EFHC1: variants seen among roughly 807,000 people sequenced by gnomAD.
The protein encoded by EFHC1 is EF-hand domain-containing protein 1.
EFHC1 carries 53 observed loss-of-function variants against 69.9 expected under a neutral mutation model. The observed-to-expected ratio is 0.76, with a 90% CI of 0.61 to 0.95. The LOEUF is 0.95. Ranked by LOEUF, EFHC1 falls within the 40% of genes least tolerant of loss-of-function variation. The pLI is 0.00. For missense variants in EFHC1, 739 were observed against 798.7 expected (o/e 0.93, Z 0.90); for synonymous variants, 256 against 278.4 (o/e 0.92, Z 0.80).
rs1293345825 is a variant in EFHC1, at chr6:52,452,811, A to C, written c.697A>C (p.Lys233Gln). ...CACCCCATCAGACTTTGATCAACTC[A>C]AGCAATTTCTCACCTTTGACAAACA... Reference protein sequence around the residue: ...YVTPSDFDQLKQFLTFDKQVL... With the variant: ...YVTPSDFDQLQQFLTFDKQVL... Residue 233 changes from lysine (K) to glutamine (Q), a missense_variant, in exon 4 of 11, where the codon AAG becomes CAG. Lys to Gln is a moderately conservative substitution (Grantham distance 53). Transcript: ENST00000371068. The C allele has an allele frequency of 6.2e-7, 1 of 1,614,058 alleles. No homozygotes were observed. Among genetic ancestry groups the C allele is most frequent in the Non-Finnish European group, 8.5e-7 (1 of 1,180,032 alleles).
chr6:52,475,505 G>A (rs1182106973), intron 7 of EFHC1, among the ~76,000 whole-genome samples: 1 of 152,146 alleles, frequency 6.6e-6, no homozygotes, highest in Non-Finnish European at 1.5e-5. Flanking sequence ...CAAAGCTTTC[G>A]AAGAACAGAA....
intron 1 of EFHC1, 84 bp downstream of exon 1, chr6:52,420,557 C>T: frequency 6.7e-7 from 1 of 1,500,792 alleles, no homozygotes. Flanking sequence ...CCTCCATTCC[C>T]CTCCACTCAA....
At chr6:52,443,134 G>C (rs1382969052) in intron 3 of EFHC1, among the ~76,000 whole-genome samples, 1 of 152,162 alleles carries the variant, frequency 6.6e-6, no homozygotes, top group Non-Finnish European at 1.5e-5. Context: ...TGATGGGGTT[G>C]TTTTATTTTT....
chr6:52,432,889 T>C (rs1182536189), intron 2 of EFHC1, among the ~76,000 whole-genome samples: 1 of 151,980 alleles, frequency 6.6e-6, no homozygotes, highest in African/African-American at 2.4e-5. Context: ...TTTCTTATTC[T>C]TTTTTCTTTG....
At chr6:52,425,530 T>A (rs1764283783) in intron 2 of EFHC1, among the ~76,000 whole-genome samples, 1 of 152,208 alleles carries the variant, frequency 6.6e-6, no homozygotes, top group Non-Finnish European at 1.5e-5. Context: ...TTTTGTTTTC[T>A]ATGTTATTTT....
chr6:52,441,472 T>C (rs777479884), intron 3 of EFHC1, among the ~76,000 whole-genome samples: 3 of 152,152 alleles, frequency 2.0e-5, no homozygotes, highest in Admixed American at 1.3e-4. Context: ...TGTCTGTTTT[T>C]GTACCAGTAC....
chr6:52,464,075 A>G (rs1391597765), intron 5 of EFHC1, among the ~76,000 whole-genome samples: 1 of 152,216 alleles, frequency 6.6e-6, no homozygotes. Flanking sequence ...TGTGGTTACA[A>G]CTATAAGATG....
chr6:52,425,572 T>C (rs1764284558), intron 2 of EFHC1, among the ~76,000 whole-genome samples: 1 of 152,172 alleles, frequency 6.6e-6, no homozygotes, highest in African/African-American at 2.4e-5. Context: ...TTTGTACTTA[T>C]TTAATATTCA....
chr6:52,466,043 T>C (rs1000066665), intron 6 of EFHC1, among the ~76,000 whole-genome samples: 2 of 151,954 alleles, frequency 1.3e-5, no homozygotes, highest in African/African-American at 4.8e-5. Context: ...TAGCATTATT[T>C]ATAAAAAAAT....
intron 2 of EFHC1, among the ~76,000 whole-genome samples, chr6:52,437,389 C>A (rs886303097): frequency 1.3e-5 from 2 of 152,124 alleles, no homozygotes; most frequent in African/African-American, 4.8e-5. Flanking sequence ...GGAACATATG[C>A]AATAAATAGT....
At chr6:52,449,915 A>G (rs1406045179) in intron 3 of EFHC1, among the ~76,000 whole-genome samples, 1 of 152,084 alleles carries the variant, frequency 6.6e-6, no homozygotes, top group Non-Finnish European at 1.5e-5. Flanking sequence ...TGTTAATTTG[A>G]GATGTAACTT....
rs201118016 is a variant in EFHC1 at position 52,465,032 on chromosome 6, C to T, written c.1054C>T (p.Arg352Ter). 1.8e-5 allele frequency: 29 copies of T among 1,613,922 alleles called. No homozygotes were observed. The highest frequency in any genetic ancestry group is 1.6e-4 in the Middle Eastern group (1 of 6,084). Residue 352 changes from arginine (R) to a stop codon, truncating the protein, a stop_gained, in exon 6 of 11, where the codon CGA (arginine) becomes TGA (stop). Transcript: ENST00000371068. LOFTEE classifies it high-confidence loss of function. Reference sequence around the variant, plus strand: ...CATTTATGATTGTGATCCATTTACTCGACGGTATTACAAAGAGAAGTTTGG... The same window carrying T: ...CATTTATGATTGTGATCCATTTACTTGACGGTATTACAAAGAGAAGTTTGG... The part of the protein sequence containing the change: ...FFIYDCDPFT[R>*]RYYKEKFGIT...
At position 52,471,669 on chromosome 6, in the gene EFHC1, C is replaced by T. The variant is rs150939627; in HGVS notation, c.1278+2196C>T. 8.8e-3 allele frequency among the ~76,000 whole-genome samples: 1,346 copies of T among 152,138 alleles called. 21 individuals are homozygous for T. The highest frequency in any genetic ancestry group is 0.027 in the African/African-American group (1,136 of 41,526). On this transcript the variant is annotated intron_variant, in intron 7 of 10. Transcript: ENST00000371068. ...TCACTTGAGGTCAGGAATTTGAGACCAGCCTGGCCAACATGCTAAAACCCT... is the reference window on the plus strand; with the variant it reads ...TCACTTGAGGTCAGGAATTTGAGACTAGCCTGGCCAACATGCTAAAACCCT...
intron 9 of EFHC1, chr6:52,488,675 G>T (rs887501681): frequency 2.6e-5 from 4 of 152,054 alleles, no homozygotes; most frequent in Admixed American, 2.6e-4. Context: ...ACTCCCCATA[G>T]GTAACTACCT....
intron 3 of EFHC1, among the ~76,000 whole-genome samples, chr6:52,449,179 C>T (rs1049340595): frequency 1.3e-5 from 2 of 151,994 alleles, no homozygotes; most frequent in African/African-American, 2.4e-5. Context: ...GTCGGGAGAT[C>T]GAGACCATCC....
intron 2 of EFHC1, among the ~76,000 whole-genome samples, chr6:52,433,813 G>A (rs1045623698): frequency 3.3e-5 from 5 of 152,256 alleles, no homozygotes; most frequent in East Asian, 3.9e-4. Context: ...AGGGCAAGAT[G>A]TGTTTGAGCT....
At chr6:52,445,108 A>G (rs2113985701) in intron 3 of EFHC1, among the ~76,000 whole-genome samples, 1 of 145,696 alleles carries the variant, frequency 6.9e-6, no homozygotes, top group East Asian at 2.0e-4. Flanking sequence ...GTATTTTCTG[A>G]TGGTAGGTTG....
intron 3 of EFHC1, among the ~76,000 whole-genome samples, chr6:52,449,657 G>A (rs1764872387): frequency 6.6e-6 from 1 of 152,048 alleles, no homozygotes; most frequent in Non-Finnish European, 1.5e-5. Flanking sequence ...AATTCTGTGG[G>A]GTCAGTGGTA....
chr6:52,486,968 T>C (rs982706831), intron 9 of EFHC1: 1 of 152,200 alleles, frequency 6.6e-6, no homozygotes, highest in African/African-American at 2.4e-5. Flanking sequence ...TAGGCAATTA[T>C]ATGAGAGAAT....
Sources: gnomAD v4.1 joint callset for allele counts (sites outside exome capture counted in the v4.1 genomes callset) on GRCh38, gnomAD v4.1.1 for gene constraint, MANE v1.5 for transcripts, NCBI Gene and HGNC (gene_info 2026-07-23, HGNC 2026-07-21) for gene names.